ATXN7L1: variants seen among roughly 807,000 people sequenced by gnomAD.
The protein encoded by ATXN7L1 is ataxin-7-like protein 1.
In ATXN7L1, 15 loss-of-function variants were observed where a neutral mutation model predicts 70.8. That is an observed-to-expected ratio of 0.21 (90% CI 0.14 to 0.33). The LOEUF is 0.33. Among genes scored for constraint, ATXN7L1 ranks in the 10% least tolerant of loss-of-function variants. The pLI, the probability that ATXN7L1 is intolerant of heterozygous loss-of-function variation, is 1.00. For missense variants in ATXN7L1, 975 were observed against 1,097.1 expected (o/e 0.89, Z 1.57); for synonymous variants, 440 against 445.1 (o/e 0.99, Z 0.14).
At position 105,733,582 on chromosome 7, in the gene ATXN7L1, C is replaced by T. The variant is rs1172319104; in HGVS notation, c.355+55022G>A. On this transcript the variant is annotated intron_variant, in intron 3 of 11. Coordinates refer to ENST00000419735, the MANE Select transcript of ATXN7L1 (RefSeq NM_020725.2). ...CCCATCCATCCTTCCATCCATCCAC[C>T]CATCCATCCATCCATCCATCCACCC... 3.2e-5 allele frequency among the ~76,000 whole-genome samples: 4 copies of T among 125,634 alleles called. 1 individual carries two copies. Among genetic ancestry groups the T allele is most frequent in the African/African-American group, 1.3e-4 (4 of 31,622 alleles). 82.4% of individuals were successfully genotyped at this position (125,634 alleles called of 152,430 possible). A position where few individuals can be genotyped will look rare whatever the true frequency, so the allele number is the denominator to read the frequency against.
chr7:105,837,098 C>T (rs1812500732), intron 2 of ATXN7L1, among the ~76,000 whole-genome samples: 1 of 152,082 alleles, frequency 6.6e-6, no homozygotes, highest in African/African-American at 2.4e-5. Context: ...AGGTGCCACA[C>T]ACTTTTCAAA....
At chr7:105,752,138 G>A (rs1244755633) in intron 3 of ATXN7L1, among the ~76,000 whole-genome samples, 1 of 152,124 alleles carries the variant, frequency 6.6e-6, no homozygotes, top group Non-Finnish European at 1.5e-5. Context: ...ACAGGCAGTC[G>A]GGAAGAACAA....
intron 3 of ATXN7L1, chr7:105,678,948 T>C (rs1805138789): frequency 7.7e-6 from 4 of 518,612 alleles, no homozygotes; most frequent in Non-Finnish European, 9.9e-6. Flanking sequence ...GCTAAATGCC[T>C]CGTGGGCTGC....
intron 2 of ATXN7L1, among the ~76,000 whole-genome samples, chr7:105,832,950 C>T (rs181059717): frequency 5.1e-4 from 77 of 152,312 alleles, no homozygotes; most frequent in African/African-American, 1.8e-3. Flanking sequence ...TTCTGACTTC[C>T]GTGCTTCTAC....
At chr7:105,674,315 C>T (rs570709414) in intron 3 of ATXN7L1, among the ~76,000 whole-genome samples, 1 of 152,198 alleles carries the variant, frequency 6.6e-6, no homozygotes, top group Non-Finnish European at 1.5e-5. Flanking sequence ...CATGCACATT[C>T]ATTCAGTTAG....
At chr7:105,840,091 G>T (rs891313600) in intron 2 of ATXN7L1, among the ~76,000 whole-genome samples, 1 of 152,192 alleles carries the variant, frequency 6.6e-6, no homozygotes, top group African/African-American at 2.4e-5. Context: ...AGAGCACAGG[G>T]ACTCTGCCGG....
chr7:105,817,738 G>A (rs78639000), intron 2 of ATXN7L1, among the ~76,000 whole-genome samples: 3,097 of 152,230 alleles, frequency 0.02, 103 homozygotes, highest in African/African-American at 0.069. Flanking sequence ...GCAACACAGC[G>A]AGACCGCTAT....
At chr7:105,766,672 C>T (rs1403192948) in intron 3 of ATXN7L1, among the ~76,000 whole-genome samples, 1 of 152,214 alleles carries the variant, frequency 6.6e-6, no homozygotes, top group Non-Finnish European at 1.5e-5. Flanking sequence ...GAAGTGACGG[C>T]TCCAAGGGAA....
chr7:105,641,961 C>A (rs1798322149), intron 5 of ATXN7L1, among the ~76,000 whole-genome samples: 1 of 152,200 alleles, frequency 6.6e-6, no homozygotes, highest in Non-Finnish European at 1.5e-5. Flanking sequence ...AAAAATCAAG[C>A]TTAACCCGAG....
At chr7:105,713,794 T>C (rs1024729180) in intron 3 of ATXN7L1, among the ~76,000 whole-genome samples, 2 of 143,674 alleles carry the variant, frequency 1.4e-5, no homozygotes, top group Admixed American at 7.0e-5. Flanking sequence ...GCCTCCAGGG[T>C]AAGCCTTAAA....
intron 9 of ATXN7L1, among the ~76,000 whole-genome samples, chr7:105,619,139 A>ATTTTTTTTTTTTTTTT (rs1794365463): frequency 2.5e-4 from 6 of 23,582 alleles, no homozygotes; most frequent in East Asian, 1.2e-3. Flanking sequence ...TGAAATCTTT[A>ATTTTTTTTTTTTTTTT]GTTTTTTTTT....
intron 2 of ATXN7L1, among the ~76,000 whole-genome samples, chr7:105,823,967 G>C (rs1275476713): frequency 6.6e-6 from 1 of 152,090 alleles, no homozygotes; most frequent in African/African-American, 2.4e-5. Flanking sequence ...GGAGAAATGG[G>C]TTAGAAGAGG....
chr7:105,798,016 G>T lies in ATXN7L1; in HGVS notation c.251-9308C>A, dbSNP rs1204366. Among the ~76,000 whole-genome samples the T allele has an allele frequency of 2.1e-3, 317 of 152,306 alleles. 2 individuals are homozygous for T. The highest frequency in any genetic ancestry group is 7.3e-3 in the African/African-American group (302 of 41,562). Reference sequence around the variant, plus strand: ...ATACTCATTCATTTTCTCTTCTCTCGAAAGGGGAAGTAGTAAATGATAATA... The same window carrying T: ...ATACTCATTCATTTTCTCTTCTCTCTAAAGGGGAAGTAGTAAATGATAATA... On this transcript the variant is annotated intron_variant, in intron 2 of 11. Transcript: ENST00000419735.
At chr7:105,610,053 G>A (rs997241152) in intron 11 of ATXN7L1, among the ~76,000 whole-genome samples, 3 of 152,102 alleles carry the variant, frequency 2.0e-5, no homozygotes, top group Non-Finnish European at 4.4e-5. Context: ...CTACAGGCAT[G>A]AGCCACCATG....
intron 3 of ATXN7L1, among the ~76,000 whole-genome samples, chr7:105,693,181 T>G (rs1423495840): frequency 1.3e-5 from 2 of 150,976 alleles, no homozygotes; most frequent in African/African-American, 4.9e-5. Context: ...GACGTAAGAG[T>G]GAGAAATTTT....
intron 2 of ATXN7L1, among the ~76,000 whole-genome samples, chr7:105,860,147 A>ATATG (rs1491372971): frequency 9.6e-5 from 4 of 41,662 alleles, no homozygotes; most frequent in African/African-American, 2.4e-4. Context: ...ATATATATAT[A>ATATG]CATATATATA....
rs1301519215 is a variant in ATXN7L1, at chr7:105,620,450, A to T, written c.1396-129T>A. 3 of 988,874 alleles carry T rather than the reference A, an allele frequency of 3.0e-6. No individual in the cohort carries two copies. In the African/African-American group the frequency reaches 5.0e-5, roughly 16 times the overall value. 61.3% of individuals were successfully genotyped at this position (988,874 alleles called of 1,614,324 possible). A position where few individuals can be genotyped will look rare whatever the true frequency, so the allele number is the denominator to read the frequency against. On this transcript the variant is annotated intron_variant, in intron 8 of 11. Transcript: ENST00000419735. ...TTACTCAAAGAAGCAAACCGTACTG[A>T]AGCCAAAAATACTTCTGCAGTTCTG...
intron 3 of ATXN7L1, among the ~76,000 whole-genome samples, chr7:105,686,059 A>T (rs1806150405): frequency 6.6e-6 from 1 of 152,150 alleles, no homozygotes. Flanking sequence ...ACTAACATAA[A>T]TGAATTTTCC....
chr7:105,834,392 T>C (rs2116594959), intron 2 of ATXN7L1, among the ~76,000 whole-genome samples: 1 of 152,326 alleles, frequency 6.6e-6, no homozygotes, highest in African/African-American at 2.4e-5. Context: ...AGTATGCCAC[T>C]GAATGGATAT....
Sources: gnomAD v4.1 joint callset for allele counts (sites outside exome capture counted in the v4.1 genomes callset) on GRCh38, gnomAD v4.1.1 for gene constraint, MANE v1.5 for transcripts, NCBI Gene and HGNC (gene_info 2026-07-23, HGNC 2026-07-21) for gene names.